PES1: variants seen among roughly 807,000 people sequenced by gnomAD.
PES1 encodes the protein pescadillo ribosomal biogenesis factor 1.
PES1 carries 31 observed loss-of-function variants against 77.1 expected under a neutral mutation model. The ratio of observed to expected loss-of-function variants is 0.40; its 90% CI spans 0.30 to 0.54. The LOEUF (loss-of-function observed/expected upper bound fraction) is 0.54, where lower values mean the gene tolerates loss of function less well. Ranked by LOEUF, PES1 falls within the 20% of genes least tolerant of loss-of-function variation. PES1 has a pLI of 0.45. For synonymous variants in PES1, 282 were observed against 303.0 expected, an observed-to-expected ratio of 0.93 and a Z score of 0.72; for missense variants, 658 against 771.7, an observed-to-expected ratio of 0.85 and a Z score of 1.75.
At chr22:30,585,022 C>T (rs1035555942) in intron 4 of PES1, among the ~76,000 whole-genome samples, 1 of 152,140 alleles carries the variant, frequency 6.6e-6, no homozygotes, top group African/African-American at 2.4e-5. Context: ...CGACGGTAGA[C>T]GGAGTCAGGG....
At chr22:30,592,244 G>A, upstream of PES1, 1 of 1,012,324 alleles carries the variant, frequency 9.9e-7, no homozygotes, top group South Asian at 4.5e-5. Context: ...CGCACTCCAT[G>A]GTGCGCGATA....
chr22:30,598,102 C>T (rs1380945865), intron 2 of PES1, among the ~76,000 whole-genome samples: 2 of 152,050 alleles, frequency 1.3e-5, no homozygotes, highest in Admixed American at 6.6e-5. Flanking sequence ...CCGGGATGGT[C>T]TCGATCGCAG....
intron 10 of PES1, 21 bp downstream of exon 10, chr22:30,580,550 C>T (rs1465983022): frequency 1.1e-5 from 18 of 1,612,954 alleles, no homozygotes; most frequent in South Asian, 5.5e-5. Context: ...ATGCTGTCAG[C>T]GGGCCCTTGA....
chr22:30,581,314 A>G lies in PES1; in HGVS notation c.822+20T>C. 1 of 1,611,630 alleles carries G rather than the reference A, an allele frequency of 6.2e-7. No homozygotes were observed. Among genetic ancestry groups the G allele is most frequent in the Non-Finnish European group, 8.5e-7 (1 of 1,178,410 alleles). ...CCACTCCCTTGGGAGATGCCGGATG[A>G]TGCTCCTGGAGCCTCTCACCTCCAT... On this transcript the variant is annotated intron_variant, in intron 8 of 14. Transcript: ENST00000354694.
Position 30,578,879 on chromosome 22 carries a change from C to T in PES1, c.1641G>A (p.Leu547=). 6.2e-7 allele frequency: 1 copy of T among 1,612,846 alleles called. No homozygotes were observed. Among genetic ancestry groups the T allele is most frequent in the South Asian group, 1.1e-5 (1 of 91,026 alleles). The part of the protein sequence containing the change: ...IMMMKKREKY[L]YQKIMFGKRR... ...TCTTGCCAAACATGATCTTCTGGTA[C>T]AGGTACTTCTCCCGCTTCTTCATCA... Residue 547 remains leucine (L), a synonymous_variant, in exon 14 of 15, where the codon CTG becomes CTA. Transcript: ENST00000354694.
intron 8 of PES1, 100 bp from the exon 9 acceptor site, chr22:30,581,201 G>A (rs778844299): frequency 2.6e-4 from 345 of 1,349,080 alleles, no homozygotes; most frequent in Non-Finnish European, 3.4e-4. Context: ...ATCAGCAGGT[G>A]TGGGTTCCAA....
At chr22:30,591,919 C>G, upstream of PES1, 1 of 1,483,786 alleles carries the variant, frequency 6.7e-7, no homozygotes, top group Non-Finnish European at 8.9e-7. Context: ...ACCCCGAGGA[C>G]CCTCCCCACC....
intron 2 of PES1, among the ~76,000 whole-genome samples, chr22:30,597,087 A>T (rs1438152134): frequency 6.6e-6 from 1 of 152,118 alleles, no homozygotes; most frequent in Non-Finnish European, 1.5e-5. Flanking sequence ...CCTGGACCTT[A>T]GCTGCCTCCC....
chr22:30,578,437 G>A (rs1166853895), intron 14 of PES1, among the ~76,000 whole-genome samples: 1 of 152,204 alleles, frequency 6.6e-6, no homozygotes, highest in Admixed American at 6.6e-5. Flanking sequence ...CAGGGTTCCA[G>A]GGTGCATGAG....
chr22:30,581,391 T>C lies in PES1; in HGVS notation c.765A>G (p.Gln255=), dbSNP rs1158698069. The C allele has an allele frequency of 6.2e-7, 1 of 1,613,764 alleles. No individual in the cohort carries two copies. Among genetic ancestry groups the C allele is most frequent in the Non-Finnish European group, 8.5e-7 (1 of 1,180,014 alleles). The part of the protein sequence containing the change: ...HYPPKLEGQA[Q]AEAKAGEGTY... ...TGCCCTCACCGGCCTTTGCCTCTGC[T>C]TGGGCCTGACCCTCGAGCTAGTAGG... Residue 255 remains glutamine (Q), a synonymous_variant, in exon 8 of 15, where the codon CAA becomes CAG. Transcript: ENST00000354694.
At position 30,601,488 on chromosome 22, in the gene PES1, T is replaced by C. The variant is rs2087353616; in HGVS notation, c.-661+3973A>G. The stretch of plus-strand genomic sequence containing the variant: ...CCACCATGTTTGGCTCATTTTTGTA[T>C]TTTTAATACAGACAGGGTTTCACTA... On this transcript the variant is annotated intron_variant, in intron 2 of 16. Coordinates refer to the PES1 transcript ENST00000402281. 1.3e-5 allele frequency among the ~76,000 whole-genome samples: 2 copies of C among 151,918 alleles called. 1 individual carries two copies. The highest frequency in any genetic ancestry group is 1.3e-4 in the Admixed American group (2 of 15,226).
chr22:30,580,009 G>A, intron 11 of PES1, 44 bp downstream of exon 11: 1 of 1,612,184 alleles, frequency 6.2e-7, no homozygotes, highest in Non-Finnish European at 8.5e-7. Flanking sequence ...GGGCCTTTGA[G>A]ACAGGATACC....
At chr22:30,593,397 G>T (rs1013164450), upstream of PES1, among the ~76,000 whole-genome samples, 3 of 152,046 alleles carry the variant, frequency 2.0e-5, no homozygotes, top group African/African-American at 7.3e-5. Context: ...TGAGGCAGGA[G>T]AATTTATTGA....
chr22:30,592,714 T>C (rs1174553525), upstream of PES1, among the ~76,000 whole-genome samples: 2 of 152,162 alleles, frequency 1.3e-5, no homozygotes, highest in African/African-American at 2.4e-5. Flanking sequence ...GGAGAATCGC[T>C]TGAACCTGGG....
intron 2 of PES1, chr22:30,598,473 G>C (rs369766547): frequency 1.3e-5 from 2 of 152,196 alleles, no homozygotes; most frequent in Non-Finnish European, 2.9e-5. Flanking sequence ...TGTTTAGTAG[G>C]TTGGAGTGCA....
chr22:30,580,540 A>G, intron 10 of PES1, 31 bp downstream of exon 10: 2 of 1,612,940 alleles, frequency 1.2e-6, no homozygotes, highest in Non-Finnish European at 1.7e-6. Flanking sequence ...GGCCGAACCA[A>G]TGCTGTCAGC....
chr22:30,581,981 G>C (rs2086995271), intron 6 of PES1, among the ~76,000 whole-genome samples: 5 of 152,226 alleles, frequency 3.3e-5, no homozygotes, highest in Admixed American at 3.3e-4. Flanking sequence ...TCCCCTCCCT[G>C]CTCCGGCTCT....
intron 13 of PES1, 45 bp downstream of exon 13, chr22:30,579,092 C>A: frequency 6.2e-7 from 1 of 1,605,206 alleles, no homozygotes; most frequent in Non-Finnish European, 8.5e-7. Context: ...AGGCACCAAG[C>A]AGGGCTGCTT....
chr22:30,603,526 C>T (rs1166085881), intron 2 of PES1, among the ~76,000 whole-genome samples: 2 of 151,852 alleles, frequency 1.3e-5, no homozygotes, highest in African/African-American at 2.4e-5. Flanking sequence ...GGACCACAGG[C>T]ACATGCCACC....
Sources: allele counts gnomAD v4.1 joint callset (sites outside exome capture counted in the v4.1 genomes callset), GRCh38; gene constraint gnomAD v4.1.1; transcripts MANE v1.5; gene names NCBI Gene and HGNC (gene_info 2026-07-23, HGNC 2026-07-21).